Variants in PRDM5 observed in about 807,000 individuals in gnomAD.
PRDM5 encodes PR domain zinc finger protein 5.
In PRDM5, 56 loss-of-function variants were observed where a neutral mutation model predicts 81.2. The observed-to-expected ratio is 0.69, with a 90% confidence interval of 0.56 to 0.86. PRDM5 has a LOEUF of 0.86. Among genes scored for constraint, PRDM5 ranks in the 40% least tolerant of loss-of-function variants. PRDM5 has a pLI of 0.00. For synonymous variants in PRDM5, 267 were observed against 256.4 expected (o/e 1.04, Z -0.39); for missense variants, 697 against 770.1 (o/e 0.91, Z 1.12).
At chr4:120,707,493 A>G (rs1004780714) in intron 15 of PRDM5, among the ~76,000 whole-genome samples, 7 of 152,054 alleles carry the variant, frequency 4.6e-5, no homozygotes, top group African/African-American at 1.7e-4. Context: ...AGACTGAAAA[A>G]GAATGCAAAG....
chr4:120,762,396 T>C (rs58526839), intron 13 of PRDM5: 1 of 152,316 alleles, frequency 6.6e-6, no homozygotes, highest in East Asian at 1.9e-4. Flanking sequence ...TCGTTCCACA[T>C]GGTTGAACTT....
intron 2 of PRDM5, 56 bp downstream of exon 2, chr4:120,907,418 C>T (rs1765937948): frequency 1.5e-6 from 2 of 1,360,006 alleles, no homozygotes; most frequent in East Asian, 2.3e-5. Context: ...CTTAAAAATG[C>T]ATTAAATGGT....
rs79641206 is a variant in PRDM5, at chr4:120,859,012, T to C, written c.178-5472A>G. ...TGACCTCTAAAATGGGGACAACAGT[T>C]TCTGCCCTGCAAATTCACAGAACCT... On this transcript the variant is annotated intron_variant, in intron 2 of 15. Transcript: ENST00000264808. Among the ~76,000 whole-genome samples, 1,100 of 152,232 alleles carry C rather than the reference T, an allele frequency of 7.2e-3. 17 individuals carry two copies. Among genetic ancestry groups the C allele is most frequent in the African/African-American group, 0.025 (1,026 of 41,512 alleles).
intron 2 of PRDM5, among the ~76,000 whole-genome samples, chr4:120,870,071 CGGA>C (rs1200718157): frequency 2.0e-5 from 3 of 151,374 alleles, no homozygotes; most frequent in African/African-American, 4.9e-5. Flanking sequence ...GAGAAGGACT[CGGA>C]GGAGAAGGGG....
At chr4:120,779,530 A>G (rs992985975) in intron 12 of PRDM5, among the ~76,000 whole-genome samples, 13 of 152,158 alleles carry the variant, frequency 8.5e-5, no homozygotes, top group African/African-American at 3.1e-4. Context: ...AGATAATATC[A>G]TTATTACTCA....
At chr4:120,801,657 A>G (rs2149292841) in intron 8 of PRDM5, among the ~76,000 whole-genome samples, 1 of 152,322 alleles carries the variant, frequency 6.6e-6, no homozygotes, top group South Asian at 2.1e-4. Flanking sequence ...AGCATGTGGG[A>G]TCTGTATGAC....
At chr4:120,906,836 TA>T (rs900313853) in intron 2 of PRDM5, among the ~76,000 whole-genome samples, 87 of 151,912 alleles carry the variant, frequency 5.7e-4, no homozygotes, top group African/African-American at 2.1e-3. Flanking sequence ...AACTAGTAAA[TA>T]AAAAAAATTA....
rs867641313 is a variant in PRDM5, at chr4:120,806,458, G to T, written c.945+4912C>A. Among the ~76,000 whole-genome samples, 113 of 152,260 alleles carry T rather than the reference G, an allele frequency of 7.4e-4. 2 individuals carry two copies. The highest frequency in any genetic ancestry group is 2.6e-3 in the African/African-American group (109 of 41,542). On this transcript the variant is annotated intron_variant, in intron 8 of 15. Transcript: ENST00000264808. ...ACCTGACTTCAAACTATACTACAAG[G>T]CTACAGTAACCAAAACAGCATGGCA...
chr4:120,695,132 G>A lies in PRDM5; in HGVS notation c.1872C>T (p.Ile624=), dbSNP rs776010069. ...NDYLKVHMDN[I]HGVADS is the part of the protein sequence containing the mutation. ...CCTATTAGCTGTCAGCTACACCATGGATATTGTCCATGTGCACTTTGAGGT... is the reference window on the plus strand; with the variant it reads ...CCTATTAGCTGTCAGCTACACCATGAATATTGTCCATGTGCACTTTGAGGT... The change falls in exon 16 of 16, where the codon ATC becomes ATT. Residue 624 remains isoleucine (I), a synonymous_variant. Transcript: ENST00000264808. The A allele has an allele frequency of 6.2e-7, 1 of 1,613,204 alleles. No homozygotes were observed. The highest frequency in any genetic ancestry group is 1.1e-5 in the South Asian group (1 of 91,060).
intron 8 of PRDM5, among the ~76,000 whole-genome samples, chr4:120,803,401 T>C (rs1443786258): frequency 1.3e-5 from 2 of 151,842 alleles, no homozygotes; most frequent in East Asian, 3.9e-4. Flanking sequence ...AGACACATAA[T>C]CGTAAGATTC....
At chr4:120,689,997 T>G (rs1377364754), downstream of PRDM5, among the ~76,000 whole-genome samples, 2 of 152,108 alleles carry the variant, frequency 1.3e-5, no homozygotes, top group Non-Finnish European at 2.9e-5. Flanking sequence ...TATAATCAAT[T>G]AAATGTCACA....
At chr4:120,724,541 T>C (rs898895028) in intron 14 of PRDM5, among the ~76,000 whole-genome samples, 3 of 152,202 alleles carry the variant, frequency 2.0e-5, no homozygotes, top group Non-Finnish European at 4.4e-5. Context: ...CCAGTCCACA[T>C]AGAACTGAAC....
chr4:120,695,578 A>G (rs551909679), intron 15 of PRDM5, among the ~76,000 whole-genome samples: 1 of 152,270 alleles, frequency 6.6e-6, no homozygotes, highest in South Asian at 2.1e-4. Flanking sequence ...AAATGGCATA[A>G]GACATTTCTC....
At chr4:120,831,691 T>A (rs35622635) in intron 3 of PRDM5, among the ~76,000 whole-genome samples, 56,585 of 151,584 alleles carry the variant, frequency 0.37, 10,694 homozygotes, top group African/African-American at 0.44. Context: ...ATACTACTTA[T>A]AAAGAGTAAA....
At chr4:120,895,762 A>G (rs1169460664) in intron 2 of PRDM5, 1 of 152,164 alleles carries the variant, frequency 6.6e-6, no homozygotes, top group Non-Finnish European at 1.5e-5. Context: ...CTGACACCTC[A>G]ACCTCCTTGA....
chr4:120,912,585 A>G (rs773465846), intron 1 of PRDM5, among the ~76,000 whole-genome samples: 3 of 152,208 alleles, frequency 2.0e-5, no homozygotes, highest in Admixed American at 6.5e-5. Context: ...TCAAAAATAA[A>G]TAGCTATAAA....
chr4:120,755,205 T>G (rs888202683), intron 13 of PRDM5, among the ~76,000 whole-genome samples: 2 of 152,214 alleles, frequency 1.3e-5, no homozygotes, highest in African/African-American at 2.4e-5. Flanking sequence ...ATCTCTCACC[T>G]AGAGGCTATA....
At chr4:120,817,675 A>C (rs1409743904) in intron 5 of PRDM5, among the ~76,000 whole-genome samples, 2 of 152,196 alleles carry the variant, frequency 1.3e-5, no homozygotes, top group African/African-American at 4.8e-5. Context: ...AACTTTAATG[A>C]GTAAAAAAAT....
intron 2 of PRDM5, among the ~76,000 whole-genome samples, chr4:120,897,532 T>C (rs1415316379): frequency 6.6e-6 from 1 of 152,234 alleles, no homozygotes; most frequent in Non-Finnish European, 1.5e-5. Context: ...TCTTAGCCAT[T>C]ACCTCATCAA....
Sources: gnomAD v4.1 joint callset for allele counts (sites outside exome capture counted in the v4.1 genomes callset) on GRCh38, gnomAD v4.1.1 for gene constraint, MANE v1.5 for transcripts, NCBI Gene and HGNC (gene_info 2026-07-23, HGNC 2026-07-21) for gene names.